The following PPP2R5C variants were observed in gnomAD, a reference collection of about 807,000 sequenced individuals.
PPP2R5C encodes the protein protein phosphatase 2 regulatory subunit B'gamma.
A neutral mutation model predicts 68.9 loss-of-function variants in PPP2R5C; 7 were observed. That is an observed-to-expected ratio of 0.10 (90% confidence interval 0.06 to 0.19). The LOEUF (loss-of-function observed/expected upper bound fraction) is 0.19, where lower values mean the gene tolerates loss of function less well. Among genes scored for constraint, PPP2R5C ranks in the 10% least tolerant of loss-of-function variants. The pLI, the probability that PPP2R5C is intolerant of heterozygous loss-of-function variation, is 1.00. For missense variants in PPP2R5C, 348 were observed against 641.3 expected (o/e 0.54, Z 4.94); for synonymous variants, 210 against 222.2 (o/e 0.95, Z 0.49).
intron 3 of PPP2R5C, among the ~76,000 whole-genome samples, chr14:101,794,100 G>GC (rs1392328502): frequency 6.6e-6 from 1 of 152,226 alleles, no homozygotes; most frequent in Non-Finnish European, 1.5e-5. Context: ...AAACAGGAAT[G>GC]CATGTTCTCA....
chr14:101,836,290 A>G (rs2041094706), intron 1 of PPP2R5C: 2 of 702,696 alleles, frequency 2.8e-6, no homozygotes, highest in Non-Finnish European at 5.2e-6. Context: ...GCGGCCCCCA[A>G]AGCATGGACG....
chr14:101,848,156 A>G (rs1433776611), intron 1 of PPP2R5C, among the ~76,000 whole-genome samples: 2 of 152,210 alleles, frequency 1.3e-5, no homozygotes, highest in Non-Finnish European at 2.9e-5. Flanking sequence ...CTAGATCCTT[A>G]TCTTAATTGG....
chr14:101,861,998 G>C (rs887754603), intron 2 of PPP2R5C, among the ~76,000 whole-genome samples: 1 of 152,106 alleles, frequency 6.6e-6, no homozygotes, highest in South Asian at 2.1e-4. Flanking sequence ...CTGCAGCCTC[G>C]AACTTCTGGG....
At chr14:101,872,135 C>T (rs2043458115) in intron 2 of PPP2R5C, among the ~76,000 whole-genome samples, 1 of 148,718 alleles carries the variant, frequency 6.7e-6, no homozygotes, top group Non-Finnish European at 1.5e-5. Context: ...GAAGGACTGT[C>T]TTAATATTTC....
In PPP2R5C at chr14:101,883,571, C is replaced by T. The variant is rs1465587314; in HGVS notation, c.629+9C>T. 23 of 1,611,038 alleles carry T rather than the reference C, an allele frequency of 1.4e-5. No homozygotes were observed. The highest frequency in any genetic ancestry group is 1.8e-5 in the Non-Finnish European group (21 of 1,179,104). ...AATAATATATTTTATAGGTAAGTCA[C>T]GTGTGGATGGCGTTGTCCTTGTGTG... On this transcript the variant is annotated intron_variant, in intron 5 of 13. Coordinates refer to ENST00000334743, the Ensembl canonical transcript of PPP2R5C.
Position 101,912,419 on chromosome 14 carries a change from A to G in PPP2R5C, c.1272A>G (p.Lys424=), listed in dbSNP as rs764677091. 1.6e-5 allele frequency: 26 copies of G among 1,599,190 alleles called. No homozygotes were observed. In the South Asian group the frequency reaches 2.7e-4, roughly 17 times the overall value. Residue 424 remains lysine, a synonymous_variant, in exon 12 of 14, where the codon AAA becomes AAG. Transcript: ENST00000334743. ...TTTTCAGAGAGAAGCTAAAAATGAA[A>G]GAACGGGAAGAAGCATGGGTTAAAA... is the stretch of plus-strand genomic sequence containing the variant.
intron 9 of PPP2R5C, 119 bp downstream of exon 11, chr14:101,902,008 T>C: frequency 8.8e-7 from 1 of 1,137,572 alleles, no homozygotes; most frequent in Non-Finnish European, 1.2e-6. Context: ...AAATCCAAGT[T>C]TTTACTTGAA....
At chr14:101,780,766 AGTG>A (rs1164941474) in intron 2 of PPP2R5C, among the ~76,000 whole-genome samples, 1 of 152,218 alleles carries the variant, frequency 6.6e-6, no homozygotes, top group Non-Finnish European at 1.5e-5. Context: ...TTGGCACATA[AGTG>A]GTGGCAGTTT....
rs1027896292 is a variant in PPP2R5C, at chr14:101,915,030, T to G, written c.1326+2557T>G. Among the ~76,000 whole-genome samples, 3 of 152,162 alleles carry G rather than the reference T, an allele frequency of 2.0e-5. No homozygotes were observed. Among genetic ancestry groups the G allele is most frequent in the Admixed American group, 6.6e-5 (1 of 15,256 alleles). Reference sequence around the variant, plus strand: ...TCGAGAGAGGAGCTCATGTGCGGAATGCACCTCAGTGAAGGTTTTTGTTTT... The same window carrying G: ...TCGAGAGAGGAGCTCATGTGCGGAAGGCACCTCAGTGAAGGTTTTTGTTTT... On this transcript the variant is annotated intron_variant, in intron 12 of 13. Transcript: ENST00000334743. This position sits in a 1 kb window ranked among gnomAD's most constrained non-coding sequence, Gnocchi z 4.2.
intron 2 of PPP2R5C, among the ~76,000 whole-genome samples, chr14:101,785,470 C>G (rs973284986): frequency 2.0e-5 from 3 of 152,172 alleles, no homozygotes; most frequent in African/African-American, 7.2e-5. Context: ...TGGTTCATGG[C>G]CACTTCCCTG....
chr14:101,834,373 A>G (rs980356956), intron 1 of PPP2R5C, among the ~76,000 whole-genome samples: 1 of 152,200 alleles, frequency 6.6e-6, no homozygotes, highest in Admixed American at 6.5e-5. Context: ...TCTTCAAGCC[A>G]AACAAAAAGT....
At position 101,781,789 on chromosome 14, in the gene PPP2R5C, C is replaced by G. The variant is rs1054431329; in HGVS notation, c.94-4229C>G. On this transcript the variant is annotated intron_variant, in intron 2 of 14. Transcript: ENST00000328724. The surrounding 1 kb of genome is among the most constrained non-coding windows in gnomAD (Gnocchi z 6.4). ...TGCGCGCTCCAACCCTCTGCTTGGC[C>G]GCCCGCGAACCGCGCTCTCCCGTTT... Among the ~76,000 whole-genome samples, 1 of 151,822 alleles carries G rather than the reference C, an allele frequency of 6.6e-6. No individual in the cohort carries two copies. The highest frequency in any genetic ancestry group is 1.5e-5 in the Non-Finnish European group (1 of 67,896).
intron 9 of PPP2R5C, among the ~76,000 whole-genome samples, chr14:101,903,895 T>G (rs186029565): frequency 6.6e-6 from 1 of 152,078 alleles, no homozygotes; most frequent in East Asian, 1.9e-4. Context: ...AGGCCGATCT[T>G]CAACTCCCAG....
intron 3 of PPP2R5C, chr14:101,803,255 A>C (rs2038942895): frequency 6.6e-6 from 1 of 152,180 alleles, no homozygotes; most frequent in African/African-American, 2.4e-5. Flanking sequence ...CATAAACTAA[A>C]ATTGGAATGA....
chr14:101,785,968 A>T, intron 2 of PPP2R5C, 50 bp from the exon 3 acceptor site: 1 of 1,457,830 alleles, frequency 6.9e-7, no homozygotes, highest in Non-Finnish European at 9.1e-7. Flanking sequence ...ATAGTGCTAC[A>T]AAATACAACC....
intron 2 of PPP2R5C, among the ~76,000 whole-genome samples, chr14:101,859,276 G>A (rs879418125): frequency 5.9e-5 from 9 of 152,226 alleles, no homozygotes; most frequent in African/African-American, 1.9e-4. Context: ...CGGTGATGCC[G>A]TGAATAAAAG....
intron 2 of PPP2R5C, among the ~76,000 whole-genome samples, chr14:101,784,640 C>T (rs1041278658): frequency 5.9e-5 from 9 of 152,146 alleles, no homozygotes; most frequent in Admixed American, 5.9e-4. Context: ...TCCCTTGACT[C>T]GTGGGGATTA....
intron 1 of PPP2R5C, chr14:101,843,628 A>G (rs2041637002): frequency 6.2e-6 from 1 of 161,790 alleles, no homozygotes. Flanking sequence ...GGTGACTTGG[A>G]GTCTTTTCCA....
intron 1 of PPP2R5C, among the ~76,000 whole-genome samples, chr14:101,843,143 G>A (rs1011343058): frequency 2.0e-5 from 3 of 152,114 alleles, no homozygotes; most frequent in African/African-American, 4.8e-5. Flanking sequence ...TGGGAGGATC[G>A]CTTGAGCCCA....
Sources: allele counts gnomAD v4.1 joint callset (sites outside exome capture counted in the v4.1 genomes callset), GRCh38; gene constraint gnomAD v4.1.1; non-coding constraint Gnocchi (gnomAD v3.1); transcripts MANE v1.5; gene names NCBI Gene and HGNC (gene_info 2026-07-23, HGNC 2026-07-21).